The following UBR4 variants were observed in gnomAD, a reference collection of about 807,000 sequenced individuals.
UBR4 encodes E3 ubiquitin-protein ligase UBR4.
A neutral mutation model predicts 575.6 loss-of-function variants in UBR4; 124 were observed. The ratio of observed to expected loss-of-function variants is 0.22; its 90% confidence interval spans 0.19 to 0.25. The LOEUF is 0.25. UBR4 is among the 10% of genes least tolerant of loss of function. The pLI, the probability that UBR4 is intolerant of heterozygous loss-of-function variation, is 1.00. For synonymous variants in UBR4, 2,455 were observed against 2,473.7 expected (o/e 0.99, Z 0.22); for missense variants, 4,818 against 6,478.8 (o/e 0.74, Z 8.80).
chr1:19,148,734 CA>C, intron 49 of UBR4, 108 bp from the exon 50 acceptor site: 1 of 1,190,150 alleles, frequency 8.4e-7, no homozygotes, highest in Non-Finnish European at 1.2e-6. Flanking sequence ...TAATGAATGC[CA>C]AATACAAAAT....
chr1:19,156,173 T>C, intron 42 of UBR4, 98 bp downstream of exon 42: 1 of 1,504,506 alleles, frequency 6.6e-7, no homozygotes, highest in African/African-American at 1.4e-5. Flanking sequence ...GGCACCCAGC[T>C]GATTTTTTTA....
intron 39 of UBR4, among the ~76,000 whole-genome samples, chr1:19,158,866 GCA>G (rs2086843635): frequency 6.6e-6 from 1 of 152,060 alleles, no homozygotes; most frequent in Non-Finnish European, 1.5e-5. Context: ...CTTTGGCTGG[GCA>G]CAGTGGCTCA....
chr1:19,124,641 A>G lies in UBR4; in HGVS notation c.9488T>C (p.Met3163Thr), dbSNP rs1299251565. 1.2e-6 allele frequency: 2 copies of G among 1,614,218 alleles called. No homozygotes were observed. The highest frequency in any genetic ancestry group is 1.7e-6 in the Non-Finnish European group (2 of 1,180,028). The change falls in exon 65 of 106, where the codon ATG becomes ACG. Residue 3163 changes from methionine to threonine, a missense_variant. Physicochemically the swap from Met to Thr is moderately conservative, Grantham distance 81. Coordinates refer to ENST00000375254, the MANE Select transcript of UBR4 (RefSeq NM_020765.3). ...FEAYTQLLTE[M>T]VLRLPYQIKK... ...GATTTGGTAAGGAAGCCTCAGTACC[A>G]TTTCTGTTAGAAGCTGAGTATAGGC...
intron 67 of UBR4, 135 bp from the exon 68 acceptor site, chr1:19,121,569 A>G: frequency 3.4e-6 from 4 of 1,173,020 alleles, no homozygotes; most frequent in Non-Finnish European, 3.6e-6. Flanking sequence ...TCTGCTGGAC[A>G]TTGTGAAGAA....
chr1:19,119,546 G>A lies in UBR4; in HGVS notation c.10455+11C>T, dbSNP rs972371179. ...GCAAGTTGGCCCCTCTGACCATAAA[G>A]CAACTGTTACCTTCTTCTCTGTTTG... is the stretch of plus-strand genomic sequence containing the variant. On this transcript the variant is annotated intron_variant, in intron 70 of 105. Coordinates refer to ENST00000375254, the MANE Select transcript of UBR4 (RefSeq NM_020765.3). 7 of 1,608,934 alleles carry A rather than the reference G, an allele frequency of 4.4e-6. No individual in the cohort carries two copies. Among genetic ancestry groups the A allele is most frequent in the Non-Finnish European group, 6.0e-6 (7 of 1,175,884 alleles).
chr1:19,203,419 T>A (rs1408860146), intron 1 of UBR4, among the ~76,000 whole-genome samples: 1 of 151,492 alleles, frequency 6.6e-6, no homozygotes, highest in East Asian at 2.0e-4. Flanking sequence ...GAGAATTGCT[T>A]GAACCCGGCA....
intron 29 of UBR4, among the ~76,000 whole-genome samples, chr1:19,166,714 CAAAAAAA>C (rs535369262): frequency 3.0e-4 from 22 of 73,734 alleles, no homozygotes; most frequent in African/African-American, 1.2e-3. Context: ...CCATCTCTAC[CAAAAAAA>C]AAAAAAAAAA....
At position 19,173,019 on chromosome 1, in the gene UBR4, G is replaced by A; in HGVS notation, c.3366C>T (p.Tyr1122=). 6.2e-7 allele frequency: 1 copy of A among 1,614,208 alleles called. No homozygotes were observed. The highest frequency in any genetic ancestry group is 1.6e-4 in the Middle Eastern group (1 of 6,062). Residue 1122 remains tyrosine (Y), a synonymous_variant, in exon 25 of 106, where the codon TAC becomes TAT. Transcript: ENST00000375254. ...CCTTTGAGATCGCGGCATCAAGGGT[G>A]TAGATGGACTGCAGACTGGGAATTT... ...LHEIPSLQSI[Y]TLDAAISKVQ...
chr1:19,124,958 G>T (rs2081564148), intron 64 of UBR4, among the ~76,000 whole-genome samples: 1 of 151,902 alleles, frequency 6.6e-6, no homozygotes, highest in Non-Finnish European at 1.5e-5. Context: ...TTTTGACATT[G>T]GGTTGATTGT....
chr1:19,086,103 C>T, intron 101 of UBR4, 42 bp downstream of exon 101: 1 of 1,607,178 alleles, frequency 6.2e-7, no homozygotes, highest in South Asian at 1.1e-5. Flanking sequence ...CCATCCCCTG[C>T]AAATCCCCTC....
Position 19,161,742 on chromosome 1 carries a change from A to C in UBR4, c.5028-6T>G. 1 of 1,612,950 alleles carries C rather than the reference A, an allele frequency of 6.2e-7. No homozygotes were observed. The highest frequency in any genetic ancestry group is 2.2e-5 in the East Asian group (1 of 44,858). On this transcript the variant is annotated splice_region_variant and splice_polypyrimidine_tract_variant and intron_variant, in intron 36 of 105. Transcript: ENST00000375254. ...TACAGGTGTGACAGTGGTACCTACAAAGAACAAGAACCAGCAAATAAGCTC... is the reference window on the plus strand; with the variant it reads ...TACAGGTGTGACAGTGGTACCTACACAGAACAAGAACCAGCAAATAAGCTC...
chr1:19,082,642 GAA>G (rs1291830727), intron 102 of UBR4, among the ~76,000 whole-genome samples: 1 of 151,942 alleles, frequency 6.6e-6, no homozygotes, highest in Non-Finnish European at 1.5e-5. Context: ...CTAGAACCGG[GAA>G]AAAAAAGTTA....
intron 29 of UBR4, among the ~76,000 whole-genome samples, chr1:19,166,434 G>A (rs898382370): frequency 2.7e-5 from 4 of 149,518 alleles, no homozygotes; most frequent in South Asian, 4.5e-4. Context: ...ACAATTTTAA[G>A]TCTCCAAATC....
chr1:19,119,807 AGTTTGAACG>A (rs1216675379), intron 69 of UBR4, 106 bp from the exon 70 acceptor site: 1 of 1,423,582 alleles, frequency 7.0e-7, no homozygotes, highest in Admixed American at 2.2e-5. Flanking sequence ...TTATGGGTTA[AGTTTGAACG>A]GTTTTGTTTC....
intron 29 of UBR4, 135 bp from the exon 30 acceptor site, chr1:19,165,892 A>G: frequency 1.5e-6 from 1 of 678,306 alleles, no homozygotes; most frequent in Non-Finnish European, 2.4e-6. Flanking sequence ...GGCAAAGCTT[A>G]ACATAAAGCC....
At chr1:19,107,151 C>G (rs1177352374) in intron 81 of UBR4, among the ~76,000 whole-genome samples, 185 bp from the exon 82 acceptor site, 1 of 152,186 alleles carries the variant, frequency 6.6e-6, no homozygotes, top group Non-Finnish European at 1.5e-5. Context: ...AATTTAGCAG[C>G]AGCATCTCCA....
intron 65 of UBR4, among the ~76,000 whole-genome samples, chr1:19,124,010 C>T (rs1051683256): frequency 5.9e-5 from 9 of 152,312 alleles, no homozygotes; most frequent in Middle Eastern, 3.4e-3. Context: ...TGCTTCTTCC[C>T]ATCTGCCTGC....
At chr1:19,133,412 T>C (rs2082767780) in intron 60 of UBR4, among the ~76,000 whole-genome samples, 1 of 152,138 alleles carries the variant, frequency 6.6e-6, no homozygotes, top group East Asian at 1.9e-4. Context: ...TAAATATCCA[T>C]AAAAAACCCT....
At chr1:19,120,023 A>G (rs1402903286) in intron 69 of UBR4, among the ~76,000 whole-genome samples, 157 bp downstream of exon 69, 1 of 152,242 alleles carries the variant, frequency 6.6e-6, no homozygotes, top group East Asian at 1.9e-4. Context: ...ATGGCTAAAA[A>G]GCAGACAACA....
Sources: allele counts gnomAD v4.1 joint callset (sites outside exome capture counted in the v4.1 genomes callset), GRCh38; gene constraint gnomAD v4.1.1; transcripts MANE v1.5; gene names NCBI Gene and HGNC (gene_info 2026-07-23, HGNC 2026-07-21).